GULP1: variants seen among roughly 807,000 people sequenced by gnomAD.
GULP1 encodes the protein GULP PTB domain containing engulfment adaptor 1, also known as PTB domain-containing engulfment adapter protein 1.
GULP1 carries 19 observed loss-of-function variants against 40.9 expected under a neutral mutation model. That is an observed-to-expected ratio of 0.46 (90% confidence interval 0.32 to 0.68). GULP1 has a LOEUF of 0.68. Ranked by LOEUF, GULP1 falls within the 30% of genes least tolerant of loss-of-function variation. GULP1 has a pLI of 0.03. For synonymous variants in GULP1, 119 were observed against 117.6 expected, an observed-to-expected ratio of 1.01 and a Z score of -0.08; for missense variants, 312 against 362.2, an observed-to-expected ratio of 0.86 and a Z score of 1.12.
At chr2:188,442,963 G>A (rs2058062213) in intron 2 of GULP1, among the ~76,000 whole-genome samples, 1 of 152,080 alleles carries the variant, frequency 6.6e-6, no homozygotes, top group South Asian at 2.1e-4. Context: ...AAAATATACA[G>A]GTGCATAAAC....
intron 1 of GULP1, among the ~76,000 whole-genome samples, chr2:188,328,933 G>A (rs2041151775): frequency 6.6e-6 from 1 of 152,058 alleles, no homozygotes; most frequent in Non-Finnish European, 1.5e-5. Context: ...TTAGAAGTCA[G>A]AAGCATCTAT....
chr2:188,584,722 C>T (rs184663200), intron 10 of GULP1, among the ~76,000 whole-genome samples: 1 of 151,728 alleles, frequency 6.6e-6, no homozygotes, highest in East Asian at 1.9e-4. Flanking sequence ...TTAAAAATAA[C>T]TGGTGGTAAT....
At chr2:188,387,364 T>A (rs957804323) in intron 2 of GULP1, among the ~76,000 whole-genome samples, 7 of 152,188 alleles carry the variant, frequency 4.6e-5, no homozygotes, top group Admixed American at 6.5e-5. Flanking sequence ...CTTATACTTA[T>A]CAAGCACTGT....
At chr2:188,338,246 A>G (rs984483623) in intron 1 of GULP1, among the ~76,000 whole-genome samples, 2 of 151,306 alleles carry the variant, frequency 1.3e-5, no homozygotes, top group African/African-American at 4.9e-5. Flanking sequence ...ATTAACCACA[A>G]TCTTAAGAAT....
chr2:188,297,345 A>G (rs902942930), intron 1 of GULP1: 1 of 375,728 alleles, frequency 2.7e-6, no homozygotes, highest in African/African-American at 2.2e-5. Context: ...CTACTGTAAG[A>G]AGGTAAATTC....
chr2:188,531,577 T>TAG (rs1156429197), intron 6 of GULP1, among the ~76,000 whole-genome samples: 2 of 152,212 alleles, frequency 1.3e-5, no homozygotes, highest in Non-Finnish European at 2.9e-5. Flanking sequence ...TTACTTTAGT[T>TAG]ACGGCGATTC....
chr2:188,472,135 C>T (rs1197096213), intron 2 of GULP1, among the ~76,000 whole-genome samples: 2 of 152,040 alleles, frequency 1.3e-5, no homozygotes, highest in Non-Finnish European at 2.9e-5. Context: ...ATTCTGCTGC[C>T]AGATGTATTG....
At position 188,420,533 on chromosome 2, in the gene GULP1, C is replaced by T. The variant is rs547604153; in HGVS notation, c.-45+36644C>T. ...TTACAGCTCTTTCACTCCGACAGTT[C>T]AGCAAGTTCTGAGTTCTTGTCCCGT... is the stretch of plus-strand genomic sequence containing the variant. On this transcript the variant is annotated intron_variant, in intron 2 of 11. Coordinates refer to ENST00000409830, the MANE Select transcript of GULP1 (RefSeq NM_016315.4). Among the ~76,000 whole-genome samples the T allele has an allele frequency of 4.9e-4, 74 of 152,296 alleles. No homozygotes were observed. In the South Asian group the frequency reaches 0.014, roughly 29 times the overall value.
At chr2:188,295,070 G>A (rs751738655) in intron 1 of GULP1, among the ~76,000 whole-genome samples, 3 of 152,104 alleles carry the variant, frequency 2.0e-5, no homozygotes, top group Non-Finnish European at 4.4e-5. Flanking sequence ...AGAACAATTA[G>A]CACATTCATT....
chr2:188,462,649 C>G (rs558718133), intron 2 of GULP1, among the ~76,000 whole-genome samples: 19 of 152,180 alleles, frequency 1.2e-4, no homozygotes, highest in African/African-American at 4.6e-4. Context: ...GCTGAATTAA[C>G]CTCTTCATTA....
chr2:188,473,216 G>A (rs1039022926), intron 2 of GULP1, among the ~76,000 whole-genome samples: 3 of 152,054 alleles, frequency 2.0e-5, no homozygotes, highest in Non-Finnish European at 4.4e-5. Context: ...GTGACATACT[G>A]TGTTGGGTCA....
intron 2 of GULP1, among the ~76,000 whole-genome samples, chr2:188,441,262 A>G (rs1482078038): frequency 1.3e-5 from 2 of 152,246 alleles, no homozygotes; most frequent in Non-Finnish European, 2.9e-5. Context: ...CTCCCAGCAC[A>G]TATAAGTGGA....
chr2:188,378,278 GA>G (rs71723258), intron 1 of GULP1, among the ~76,000 whole-genome samples: 33,619 of 95,444 alleles, frequency 0.35, 3,731 homozygotes, highest in African/African-American at 0.44. Flanking sequence ...TCTCTATATA[GA>G]AAAAAAAAAA....
At chr2:188,469,246 C>T (rs768428081) in intron 2 of GULP1, among the ~76,000 whole-genome samples, 11 of 152,118 alleles carry the variant, frequency 7.2e-5, no homozygotes, top group Non-Finnish European at 1.3e-4. Context: ...TAGGCCTGGC[C>T]TTGTCATAGG....
At chr2:188,429,694 G>A (rs1274665498) in intron 2 of GULP1, among the ~76,000 whole-genome samples, 1 of 151,862 alleles carries the variant, frequency 6.6e-6, no homozygotes, top group Non-Finnish European at 1.5e-5. Flanking sequence ...AGGACTGGAG[G>A]TTTTTGGTTA....
intron 2 of GULP1, among the ~76,000 whole-genome samples, chr2:188,417,995 T>C (rs1247154482): frequency 1.3e-5 from 2 of 152,056 alleles, no homozygotes; most frequent in African/African-American, 4.8e-5. Flanking sequence ...TTTTGTTTTT[T>C]TAGAGACAGA....
chr2:188,417,276 G>A (rs1456595173), intron 2 of GULP1, among the ~76,000 whole-genome samples: 1 of 152,106 alleles, frequency 6.6e-6, no homozygotes, highest in East Asian at 1.9e-4. Flanking sequence ...ATGGCTCATT[G>A]GATTATAAAG....
intron 1 of GULP1, among the ~76,000 whole-genome samples, chr2:188,364,432 G>A (rs1212084401): frequency 6.6e-6 from 1 of 152,164 alleles, no homozygotes; most frequent in Admixed American, 6.5e-5. Context: ...TCGCATCTGT[G>A]TAGTAATAAA....
Position 188,370,357 on chromosome 2 carries a change from C to T in GULP1, c.-171-13406C>T, listed in dbSNP as rs573618710. Among the ~76,000 whole-genome samples, 6 of 152,226 alleles carry T rather than the reference C, an allele frequency of 3.9e-5. No individual in the cohort carries two copies. The South Asian group carries it at 1.2e-3, about 32-fold the overall frequency. ...ATGGTACCTAGCACAGAAACTTGCT[C>T]TTGGTTGACCTTATATTTTTGTTTA... On this transcript the variant is annotated intron_variant, in intron 1 of 11. Coordinates refer to ENST00000409830, the MANE Select transcript of GULP1 (RefSeq NM_016315.4).
Sources: gnomAD v4.1 joint callset for allele counts (sites outside exome capture counted in the v4.1 genomes callset) on GRCh38, gnomAD v4.1.1 for gene constraint, MANE v1.5 for transcripts, NCBI Gene and HGNC (gene_info 2026-07-23, HGNC 2026-07-21) for gene names.